ZNF385C: variants seen among roughly 807,000 people sequenced by gnomAD.
ZNF385C encodes CTD-2132N18.2.
In ZNF385C, 28 loss-of-function variants were observed where a neutral mutation model predicts 35.4. The ratio of observed to expected loss-of-function variants is 0.79; its 90% CI spans 0.59 to 1.08. The LOEUF (loss-of-function observed/expected upper bound fraction) is 1.08, where lower values mean the gene tolerates loss of function less well. Among genes scored for constraint, ZNF385C ranks in the 50% least tolerant of loss-of-function variants. The pLI is 0.00. For missense variants in ZNF385C, 605 were observed against 595.6 expected, an observed-to-expected ratio of 1.02 and a Z score of -0.16; for synonymous variants, 248 against 248.2, an observed-to-expected ratio of 1.00 and a Z score of 0.01.
At chr17:42,027,508 T>C (rs189594561) in intron 8 of ZNF385C, 110 bp downstream of exon 8, 38 of 929,642 alleles carry the variant, frequency 4.1e-5, no homozygotes, top group Middle Eastern at 3.4e-4. Context: ...AGCAGCCTCA[T>C]TGCAGGGTGG....
chr17:42,051,919 C>G (rs1050410310), intron 2 of ZNF385C, among the ~76,000 whole-genome samples: 1 of 152,156 alleles, frequency 6.6e-6, no homozygotes, highest in African/African-American at 2.4e-5. Context: ...GAATCACATG[C>G]ACACACACGT....
chr17:42,096,326 CAG>C (rs2053917247), intron 1 of ZNF385C, among the ~76,000 whole-genome samples: 1 of 152,202 alleles, frequency 6.6e-6, no homozygotes, highest in African/African-American at 2.4e-5. Flanking sequence ...CAGGGACCTC[CAG>C]AGTCACAGGT....
At chr17:42,080,867 C>T (rs1336321881) in intron 1 of ZNF385C, among the ~76,000 whole-genome samples, 1 of 152,186 alleles carries the variant, frequency 6.6e-6, no homozygotes, top group African/African-American at 2.4e-5. Flanking sequence ...GGCTGGAAGG[C>T]AGGGGAGGGT....
At chr17:42,034,119 C>G in intron 4 of ZNF385C, 106 bp downstream of exon 4, 1 of 891,146 alleles carries the variant, frequency 1.1e-6, no homozygotes, top group Non-Finnish European at 1.8e-6. Context: ...CCGACCACAG[C>G]CCCTTTGCCA....
At chr17:42,067,250 T>C (rs562565256) in intron 1 of ZNF385C, among the ~76,000 whole-genome samples, 90 of 152,266 alleles carry the variant, frequency 5.9e-4, no homozygotes, top group Non-Finnish European at 1.0e-3. Flanking sequence ...TGACACATAT[T>C]GATCTTGGAC....
At chr17:42,056,401 G>A (rs1598194497) in intron 2 of ZNF385C, among the ~76,000 whole-genome samples, 1 of 152,222 alleles carries the variant, frequency 6.6e-6, no homozygotes, top group Admixed American at 6.5e-5. Flanking sequence ...ACATGGCTCA[G>A]TTGCTCCTAA....
intron 1 of ZNF385C, among the ~76,000 whole-genome samples, chr17:42,075,677 G>A (rs911521345): frequency 3.9e-4 from 59 of 151,916 alleles, no homozygotes; most frequent in African/African-American, 1.4e-3. Context: ...TGTATTTTTA[G>A]TAGAGACAGG....
rs552104033 is a variant in ZNF385C at position 42,085,533 on chromosome 17, G to A, written c.-3+12877C>T. On this transcript the variant is annotated intron_variant, in intron 1 of 8. Transcript: ENST00000692273. ...ATGCCTGAGTTCAGGCAATCTGCCC[G>A]CCTCAGCCTCCCAAAGTGCTAGGAT... is the stretch of plus-strand genomic sequence containing the variant. Among the ~76,000 whole-genome samples the A allele has an allele frequency of 4.0e-5, 6 of 148,924 alleles. No individual in the cohort carries two copies. The East Asian group carries it at 7.9e-4, about 20-fold the overall frequency.
intron 1 of ZNF385C, among the ~76,000 whole-genome samples, chr17:42,071,976 C>A (rs961396346): frequency 3.3e-5 from 5 of 152,054 alleles, no homozygotes; most frequent in African/African-American, 9.7e-5. Flanking sequence ...GGCCAGGGGC[C>A]CCCCCATGCC....
chr17:42,077,331 A>G (rs2053696450), intron 1 of ZNF385C, among the ~76,000 whole-genome samples: 2 of 152,076 alleles, frequency 1.3e-5, no homozygotes, highest in South Asian at 4.2e-4. Context: ...ACCCCATATA[A>G]TATGTGCCCA....
intron 2 of ZNF385C, among the ~76,000 whole-genome samples, chr17:42,044,979 G>A (rs550139830): frequency 1.1e-3 from 159 of 149,364 alleles, no homozygotes; most frequent in African/African-American, 3.7e-3. Context: ...GTGCAGTGGC[G>A]CAATCTTGGC....
chr17:42,041,444 C>T (rs2053019036), intron 2 of ZNF385C, among the ~76,000 whole-genome samples: 1 of 152,208 alleles, frequency 6.6e-6, no homozygotes, highest in Admixed American at 6.5e-5. Context: ...CCCACCACAC[C>T]CGGTCTAGTT....
chr17:42,034,155 GAAAGCCCAGCCTCCA>G, intron 4 of ZNF385C, 55 bp downstream of exon 4: 1 of 1,286,126 alleles, frequency 7.8e-7, no homozygotes, highest in Non-Finnish European at 1.1e-6. Context: ...GAAGGACTCT[GAAAGCCCAGCCTCCA>G]GCCCTCTCCC....
chr17:42,053,170 G>A (rs1555657267), intron 2 of ZNF385C, among the ~76,000 whole-genome samples: 1 of 152,120 alleles, frequency 6.6e-6, no homozygotes, highest in Non-Finnish European at 1.5e-5. Flanking sequence ...AGACTCCAAA[G>A]CCCAATCACA....
At chr17:42,061,170 T>G (rs562817458) in intron 2 of ZNF385C, 2 of 151,128 alleles carry the variant, frequency 1.3e-5, no homozygotes, top group African/African-American at 4.9e-5. Flanking sequence ...TTACACCTAG[T>G]AGGTGGTCAA....
At chr17:42,077,383 G>A (rs1331877892) in intron 1 of ZNF385C, among the ~76,000 whole-genome samples, 3 of 152,078 alleles carry the variant, frequency 2.0e-5, no homozygotes, top group East Asian at 1.9e-4. Flanking sequence ...TGCTGGTCCC[G>A]GCTTTAGAGA....
At chr17:42,067,415 T>A (rs1076188) in intron 1 of ZNF385C, among the ~76,000 whole-genome samples, 25 of 151,984 alleles carry the variant, frequency 1.6e-4, no homozygotes, top group African/African-American at 4.8e-5. Context: ...CAAACCCTGC[T>A]GCTAGGGTTT....
chr17:42,040,919 T>C (rs1236612302), intron 2 of ZNF385C: 6 of 1,232,066 alleles, frequency 4.9e-6, no homozygotes, highest in Admixed American at 4.2e-5. Context: ...CTGGGGAGGC[T>C]TGAGCTGAGC....
intron 1 of ZNF385C, among the ~76,000 whole-genome samples, chr17:42,065,542 C>T (rs2053534873): frequency 6.6e-6 from 1 of 152,158 alleles, no homozygotes; most frequent in South Asian, 2.1e-4. Flanking sequence ...TGCCTGTAGT[C>T]CCCAGATGCC....
Sources: allele counts gnomAD v4.1 joint callset (sites outside exome capture counted in the v4.1 genomes callset), GRCh38; gene constraint gnomAD v4.1.1; transcripts MANE v1.5; gene names NCBI Gene and HGNC (gene_info 2026-07-23, HGNC 2026-07-21).